SMYD3: variants seen among roughly 807,000 people sequenced by gnomAD.
SMYD3 encodes histone-lysine N-methyltransferase SMYD3.
In SMYD3, 36 loss-of-function variants were observed where a neutral mutation model predicts 57.7. That is an observed-to-expected ratio of 0.62 (90% CI 0.48 to 0.82). The LOEUF (loss-of-function observed/expected upper bound fraction) is 0.82, where lower values mean the gene tolerates loss of function less well. SMYD3 is among the 40% of genes least tolerant of loss of function. The probability of loss-of-function intolerance (pLI) is 0.00; values close to 1 mark genes in which losing one functional copy is unlikely to be tolerated. For synonymous variants in SMYD3, 211 were observed against 195.0 expected (o/e 1.08, Z -0.68); for missense variants, 515 against 538.8 (o/e 0.96, Z 0.44).
chr1:245,833,675 T>G (rs967329511), intron 10 of SMYD3, among the ~76,000 whole-genome samples: 1 of 152,212 alleles, frequency 6.6e-6, no homozygotes, highest in Non-Finnish European at 1.5e-5. Flanking sequence ...TAAATTCAAC[T>G]TTGGTGGACT....
intron 1 of SMYD3, among the ~76,000 whole-genome samples, chr1:246,393,095 G>A (rs1318906139): frequency 6.6e-6 from 1 of 152,010 alleles, no homozygotes; most frequent in Non-Finnish European, 1.5e-5. Context: ...GTTAAATACT[G>A]AGTAATTATA....
chr1:246,027,616 T>C (rs981846087), intron 5 of SMYD3, among the ~76,000 whole-genome samples: 3 of 152,216 alleles, frequency 2.0e-5, no homozygotes, highest in Non-Finnish European at 4.4e-5. Context: ...AGTCCATTCT[T>C]GTGACCTACT....
At chr1:245,776,703 A>G (rs916197645) in intron 10 of SMYD3, among the ~76,000 whole-genome samples, 5 of 152,182 alleles carry the variant, frequency 3.3e-5, no homozygotes, top group Non-Finnish European at 7.4e-5. Flanking sequence ...TGGTGCTGGG[A>G]AGCAGAGATG....
rs963906648 is a variant in SMYD3, at chr1:246,307,519, A to C, written c.531+19682T>G. ...ACTGCAAGCTCCGCCTCCCGGGTTC[A>C]CGCCATTCTCCTGCCTCAGCCTCCC... On this transcript the variant is annotated intron_variant, in intron 5 of 11. Coordinates refer to ENST00000490107, the MANE Select transcript of SMYD3 (RefSeq NM_001167740.2). 9.1e-5 allele frequency among the ~76,000 whole-genome samples: 13 copies of C among 143,564 alleles called. No individual in the cohort carries two copies. The South Asian group carries it at 1.5e-3, about 17-fold the overall frequency. 94.2% of individuals were successfully genotyped at this position (143,564 alleles called of 152,430 possible). A position where few individuals can be genotyped will look rare whatever the true frequency, so the allele number is the denominator to read the frequency against.
At chr1:246,287,401 T>C (rs973914081) in intron 5 of SMYD3, among the ~76,000 whole-genome samples, 1 of 152,196 alleles carries the variant, frequency 6.6e-6, no homozygotes, top group Non-Finnish European at 1.5e-5. Context: ...CACTATTTAA[T>C]AGTTTATGTT....
intron 10 of SMYD3, among the ~76,000 whole-genome samples, chr1:245,856,551 CTT>C (rs1324454981): frequency 6.6e-6 from 1 of 152,174 alleles, no homozygotes; most frequent in Non-Finnish European, 1.5e-5. Flanking sequence ...AGAAAGGCCT[CTT>C]TGTTTAAAGT....
In SMYD3 at chr1:246,043,081, C is replaced by T. The variant is rs190355102; in HGVS notation, c.532-113144G>A. On this transcript the variant is annotated intron_variant, in intron 5 of 11. Transcript: ENST00000490107. The stretch of plus-strand genomic sequence containing the variant: ...TTCTTTATCCCCACCTCTATCTACA[C>T]ATAAATAAACACATGCCAACACCTG... Among the ~76,000 whole-genome samples, 8 of 152,278 alleles carry T rather than the reference C, an allele frequency of 5.3e-5. No individual in the cohort carries two copies. The East Asian group carries it at 1.5e-3, about 29-fold the overall frequency.
At chr1:246,449,895 C>A (rs2067606175) in intron 1 of SMYD3, among the ~76,000 whole-genome samples, 1 of 152,124 alleles carries the variant, frequency 6.6e-6, no homozygotes, top group African/African-American at 2.4e-5. Context: ...GAGTATAGAG[C>A]CAAGTCCCTC....
chr1:245,806,843 G>C (rs12023915), intron 10 of SMYD3, among the ~76,000 whole-genome samples: 19,064 of 145,942 alleles, frequency 0.13, 1,332 homozygotes, highest in East Asian at 0.24. Context: ...CCGGGAGGCG[G>C]AGCTTGCAGT....
chr1:246,299,797 A>G (rs1038557166), intron 5 of SMYD3, among the ~76,000 whole-genome samples: 2 of 151,970 alleles, frequency 1.3e-5, no homozygotes, highest in African/African-American at 4.8e-5. Flanking sequence ...GAACACATGG[A>G]CACACGGAGA....
At chr1:246,389,755 G>T (rs1041758472) in intron 1 of SMYD3, among the ~76,000 whole-genome samples, 2 of 101,678 alleles carry the variant, frequency 2.0e-5, no homozygotes, top group Non-Finnish European at 4.4e-5. Flanking sequence ...AGTTTCTAGA[G>T]GACCTCCTTG....
chr1:246,449,835 C>T lies in SMYD3; in HGVS notation c.164+57219G>A, dbSNP rs186061791. ...AATCCTGTGAGTATGAACCTGCTGA[C>T]GTTAGGTGTGGAAAGGTTTTTTTTG... is the stretch of plus-strand genomic sequence containing the variant. On this transcript the variant is annotated intron_variant, in intron 1 of 11. Transcript: ENST00000490107. 7.2e-4 allele frequency among the ~76,000 whole-genome samples: 110 copies of T among 152,236 alleles called. 2 individuals carry two copies. In the South Asian group the frequency reaches 9.1e-3, roughly 13 times the overall value.
At chr1:245,793,116 T>C (rs6661200) in intron 10 of SMYD3, among the ~76,000 whole-genome samples, 3,932 of 142,998 alleles carry the variant, frequency 0.027, 165 homozygotes, top group African/African-American at 0.092. Flanking sequence ...AAGACCATCC[T>C]GGCTAACACG....
At chr1:245,905,095 C>A (rs1023096033) in intron 8 of SMYD3, among the ~76,000 whole-genome samples, 4 of 151,966 alleles carry the variant, frequency 2.6e-5, no homozygotes, top group African/African-American at 9.7e-5. Context: ...AGCAGTGACA[C>A]CCATGAATTA....
At chr1:245,987,712 G>T (rs1303155744) in intron 5 of SMYD3, among the ~76,000 whole-genome samples, 1 of 152,208 alleles carries the variant, frequency 6.6e-6, no homozygotes, top group African/African-American at 2.4e-5. Context: ...GACGGAATCT[G>T]AACTCAGTCT....
chr1:246,254,707 G>A (rs2063852846), intron 5 of SMYD3, among the ~76,000 whole-genome samples: 1 of 152,198 alleles, frequency 6.6e-6, no homozygotes. Context: ...TGTTGAATCT[G>A]TAGACTGCTA....
intron 5 of SMYD3, among the ~76,000 whole-genome samples, chr1:246,117,947 C>T (rs970234603): frequency 5.3e-5 from 8 of 152,098 alleles, no homozygotes; most frequent in East Asian, 3.9e-4. Context: ...TACAATATCA[C>T]GATCATCACA....
At chr1:246,260,230 G>A (rs12027922) in intron 5 of SMYD3, among the ~76,000 whole-genome samples, 12,873 of 152,126 alleles carry the variant, frequency 0.085, 719 homozygotes, top group East Asian at 0.21. Context: ...GAAGAGTTGC[G>A]TGGCTCAGGC....
At position 246,458,669 on chromosome 1, in the gene SMYD3, T is replaced by C. The variant is rs185123326; in HGVS notation, c.164+48385A>G. Among the ~76,000 whole-genome samples the C allele has an allele frequency of 3.5e-3, 510 of 145,084 alleles. 6 individuals are homozygous for C. Among genetic ancestry groups the C allele is most frequent in the African/African-American group, 0.013 (491 of 39,040 alleles). ...TTTTAGTAGAGACGGGGTTTCATTA[T>C]GTTAGCCAGGATGGTCTGGATCTCC... On this transcript the variant is annotated intron_variant, in intron 1 of 11. Transcript: ENST00000490107.
Sources: gnomAD v4.1 joint callset for allele counts (sites outside exome capture counted in the v4.1 genomes callset) on GRCh38, gnomAD v4.1.1 for gene constraint, MANE v1.5 for transcripts, NCBI Gene and HGNC (gene_info 2026-07-23, HGNC 2026-07-21) for gene names.